Variants in USP32 observed in about 807,000 individuals in gnomAD.
USP32 encodes ubiquitin specific peptidase 32.
A neutral mutation model predicts 204.8 loss-of-function variants in USP32; 59 were observed. That is an observed-to-expected ratio of 0.29 (90% CI 0.23 to 0.36). The LOEUF (loss-of-function observed/expected upper bound fraction) is 0.36, where lower values mean the gene tolerates loss of function less well. USP32 is among the 10% of genes least tolerant of loss of function. USP32 has a pLI of 1.00. For synonymous variants in USP32, 517 were observed against 678.4 expected (o/e 0.76, Z 3.70); for missense variants, 1,160 against 1,946.4 (o/e 0.60, Z 7.60).
At chr17:60,345,118 A>C (rs904505487) in intron 2 of USP32, among the ~76,000 whole-genome samples, 7 of 152,340 alleles carry the variant, frequency 4.6e-5, no homozygotes, top group South Asian at 2.1e-4. Flanking sequence ...ATGTTTTACT[A>C]TACAGAAAAT....
At chr17:60,309,067 T>C (rs1199876767) in intron 2 of USP32, among the ~76,000 whole-genome samples, 10 of 152,078 alleles carry the variant, frequency 6.6e-5, no homozygotes, top group Admixed American at 5.9e-4. Flanking sequence ...CTCCAGGAGA[T>C]TGTTCTGGGG....
chr17:60,180,954 C>A (rs1342214943), intron 32 of USP32, among the ~76,000 whole-genome samples: 1 of 151,878 alleles, frequency 6.6e-6, no homozygotes, highest in Non-Finnish European at 1.5e-5. Context: ...GTGATCACAA[C>A]TCTCTAAAGA....
At chr17:60,382,861 A>T (rs7219210) in intron 1 of USP32, among the ~76,000 whole-genome samples, 7,438 of 152,168 alleles carry the variant, frequency 0.049, 614 homozygotes, top group African/African-American at 0.17. Context: ...TACTAATCTC[A>T]CAGGAATTTA....
At chr17:60,250,954 T>TC (rs1459248345) in intron 11 of USP32, among the ~76,000 whole-genome samples, 1 of 151,822 alleles carries the variant, frequency 6.6e-6, no homozygotes, top group East Asian at 1.9e-4. Flanking sequence ...CTTTTCTTTT[T>TC]TTTTTTTTGA....
intron 1 of USP32, among the ~76,000 whole-genome samples, chr17:60,416,657 G>T (rs930356528): frequency 6.6e-6 from 1 of 152,034 alleles, no homozygotes; most frequent in South Asian, 2.1e-4. Flanking sequence ...CTGCTGTTAG[G>T]TTCAATTGTC....
At chr17:60,346,013 G>C (rs1238872687) in intron 1 of USP32, among the ~76,000 whole-genome samples, 2 of 151,704 alleles carry the variant, frequency 1.3e-5, no homozygotes, top group Admixed American at 1.3e-4. Context: ...GAAAAAAAAA[G>C]AAAAATTGGC....
chr17:60,245,233 T>C (rs2085985880), intron 11 of USP32: 1 of 205,604 alleles, frequency 4.9e-6, no homozygotes, highest in Admixed American at 6.1e-5. Flanking sequence ...TCTTTATTTT[T>C]TTTTTTGGCA....
Position 60,219,549 on chromosome 17 carries a change from C to T in USP32, c.1867+121G>A, listed in dbSNP as rs967160623. On this transcript the variant is annotated intron_variant, in intron 16 of 33. Coordinates refer to ENST00000300896, the MANE Select transcript of USP32 (RefSeq NM_032582.4). The stretch of plus-strand genomic sequence containing the variant: ...TACAGTGGCACCAGACTTCGAGCAA[C>T]GTAGTTTTCACCTTTTTTTTTTTTT... 3.7e-5 allele frequency: 52 copies of T among 1,398,538 alleles called. No homozygotes were observed. The Admixed American group carries it at 6.5e-4, about 17-fold the overall frequency. 86.6% of individuals were successfully genotyped at this position (1,398,538 alleles called of 1,614,324 possible).
chr17:60,219,208 T>C (rs1230878689), intron 16 of USP32, among the ~76,000 whole-genome samples: 1 of 151,964 alleles, frequency 6.6e-6, no homozygotes, highest in Non-Finnish European at 1.5e-5. Flanking sequence ...ACAAAAACCT[T>C]AAAAAACAAA....
At chr17:60,395,706 C>G (rs1161594998), upstream of USP32, among the ~76,000 whole-genome samples, 3 of 152,162 alleles carry the variant, frequency 2.0e-5, no homozygotes, top group Non-Finnish European at 4.4e-5. Flanking sequence ...TAATTACATG[C>G]CTGCAAAAGG....
chr17:60,307,570 A>G (rs1451180095), intron 2 of USP32, among the ~76,000 whole-genome samples: 3 of 152,212 alleles, frequency 2.0e-5, no homozygotes, highest in Non-Finnish European at 4.4e-5. Context: ...AGCAAATAAC[A>G]AAACTGGCAG....
chr17:60,289,168 C>A (rs149208274), intron 4 of USP32, among the ~76,000 whole-genome samples: 1 of 151,980 alleles, frequency 6.6e-6, no homozygotes, highest in Admixed American at 6.6e-5. Context: ...CCACCACGCC[C>A]GGCTAATTTT....
intron 1 of USP32, among the ~76,000 whole-genome samples, chr17:60,359,820 T>C (rs1188262233): frequency 6.6e-6 from 1 of 151,664 alleles, no homozygotes; most frequent in Admixed American, 6.6e-5. Context: ...CTGAAAATAA[T>C]AGATAAATAA....
chr17:60,356,507 C>T (rs892178727), intron 1 of USP32, among the ~76,000 whole-genome samples: 8 of 152,132 alleles, frequency 5.3e-5, no homozygotes, highest in South Asian at 2.1e-4. Context: ...AGAACCCCTC[C>T]GCCAAGGCTG....
rs775158799 is a variant in USP32, at chr17:60,344,631, GT to G, written c.186+849del. On this transcript the variant is annotated intron_variant, in intron 2 of 33. Transcript: ENST00000300896. ...ATGTCTGCTAATTTTTTTGGTTGCTGTTTTTAAGTAGAGATGAGGTCTCACT... is the reference window on the plus strand; with the variant it reads ...ATGTCTGCTAATTTTTTTGGTTGCTGTTTTAAGTAGAGATGAGGTCTCACT... Among the ~76,000 whole-genome samples, 9 of 151,908 alleles carry G rather than the reference GT, an allele frequency of 5.9e-5. No homozygotes were observed. The East Asian group carries it at 1.6e-3, about 26-fold the overall frequency.
chr17:60,271,699 A>G (rs1230003954), intron 5 of USP32, among the ~76,000 whole-genome samples: 5 of 152,220 alleles, frequency 3.3e-5, no homozygotes, highest in African/African-American at 1.2e-4. Context: ...CAGAAAAAAG[A>G]AATCTACAAT....
rs779413396 is a variant in USP32, at chr17:60,271,368, G to A, written c.685C>T (p.Arg229Cys). The change falls in exon 6 of 34, where the codon CGT becomes TGT. Residue 229 changes from arginine (R) to cysteine (C), a missense_variant. By Grantham distance (180) the Arg-to-Cys change is radical. Transcript: ENST00000300896. ...TCCCTACCTTCACTTAGAGATGGAC[G>A]AATAGGTGGTGAAACCAATGGGCCA... Reference protein sequence around the residue: ...TFGPLVSPPIRPSLSEGLFNA... With the variant: ...TFGPLVSPPICPSLSEGLFNA... 35 of 1,613,890 alleles carry A rather than the reference G, an allele frequency of 2.2e-5. No homozygotes were observed. The highest frequency in any genetic ancestry group is 1.3e-4 in the East Asian group (6 of 44,866).
intron 1 of USP32, among the ~76,000 whole-genome samples, chr17:60,404,668 A>G (rs914845544): frequency 2.0e-5 from 3 of 152,228 alleles, no homozygotes; most frequent in African/African-American, 7.2e-5. Flanking sequence ...AGTGCACCTC[A>G]GCCTCCTTGG....
rs570383834 is a variant in USP32 at position 60,365,424 on chromosome 17, T to A, written c.59-19816A>T. The stretch of plus-strand genomic sequence containing the variant: ...TGAACACAGAAGGTGAAGGTTGCAG[T>A]GAGCCAAGATCAGGCCACTTGCAAT... On this transcript the variant is annotated intron_variant, in intron 1 of 33. Transcript: ENST00000300896. Among the ~76,000 whole-genome samples the A allele has an allele frequency of 1.1e-3, 164 of 152,190 alleles. 1 individual carries two copies. The highest frequency in any genetic ancestry group is 3.9e-3 in the African/African-American group (162 of 41,520).
Sources: allele counts gnomAD v4.1 joint callset (sites outside exome capture counted in the v4.1 genomes callset), GRCh38; gene constraint gnomAD v4.1.1; transcripts MANE v1.5; gene names NCBI Gene and HGNC (gene_info 2026-07-23, HGNC 2026-07-21).